Variants in DAPK1 observed in about 807,000 individuals in gnomAD.
DAPK1 encodes the protein death-associated protein kinase 1.
In DAPK1, 56 loss-of-function variants were observed where a neutral mutation model predicts 144.9. The observed-to-expected ratio is 0.39, with a 90% CI of 0.31 to 0.48. The LOEUF (loss-of-function observed/expected upper bound fraction) is 0.48, where lower values mean the gene tolerates loss of function less well. DAPK1 is among the 20% of genes least tolerant of loss of function. The probability of loss-of-function intolerance (pLI) is 0.95; values close to 1 mark genes in which losing one functional copy is unlikely to be tolerated. For synonymous variants in DAPK1, 690 were observed against 749.0 expected (o/e 0.92, Z 1.29); for missense variants, 1,454 against 1,875.4 (o/e 0.78, Z 4.15).
At chr9:87,662,560 G>GTTTTTTTTCTTTTTTTTT (rs1830889082) in intron 18 of DAPK1, among the ~76,000 whole-genome samples, 1 of 32,154 alleles carries the variant, frequency 3.1e-5, no homozygotes, top group African/African-American at 1.5e-4. Flanking sequence ...TATATTCCTA[G>GTTTTTTTTCTTTTTTTTT]TTTTTTTTTT....
chr9:87,680,261 C>T lies in DAPK1; in HGVS notation c.2002-1143C>T, dbSNP rs1208059920. On this transcript the variant is annotated intron_variant, in intron 19 of 25. Transcript: ENST00000408954. ...CTGGGACTACAGGCTCCCGCCACCA[C>T]GCCCGGCTAATTTTTTGTATTTTCG... Among the ~76,000 whole-genome samples the T allele has an allele frequency of 3.4e-4, 52 of 152,206 alleles. 1 individual carries two copies. Among genetic ancestry groups the T allele is most frequent in the Admixed American group, 3.2e-3 (49 of 15,284 alleles).
At chr9:87,652,177 CA>C (rs1830467408) in intron 17 of DAPK1, among the ~76,000 whole-genome samples, 1 of 138,034 alleles carries the variant, frequency 7.2e-6, no homozygotes, top group African/African-American at 2.8e-5. Context: ...CACCTGATCC[CA>C]GGTCCTGATT....
intron 2 of DAPK1, among the ~76,000 whole-genome samples, chr9:87,554,716 G>T (rs1399728480): frequency 2.0e-5 from 3 of 152,170 alleles, no homozygotes; most frequent in Non-Finnish European, 1.5e-5. Flanking sequence ...GGACCCAAAT[G>T]AGCAAAGTGC....
At chr9:87,665,391 G>A (rs770492434) in intron 18 of DAPK1, among the ~76,000 whole-genome samples, 3 of 152,210 alleles carry the variant, frequency 2.0e-5, no homozygotes, top group Non-Finnish European at 2.9e-5. Flanking sequence ...TTTGTTGACC[G>A]AGTGCTAAGT....
intron 2 of DAPK1, among the ~76,000 whole-genome samples, chr9:87,500,259 T>C (rs769774086): frequency 2.0e-5 from 3 of 152,230 alleles, no homozygotes; most frequent in Non-Finnish European, 4.4e-5. Flanking sequence ...ATATTTAGTA[T>C]CGACTGAAAA....
chr9:87,662,414 T>C (rs1379283314), intron 18 of DAPK1, among the ~76,000 whole-genome samples: 1 of 152,156 alleles, frequency 6.6e-6, no homozygotes, highest in East Asian at 1.9e-4. Context: ...TTTCAGGCAG[T>C]ATGGTCATTT....
intron 21 of DAPK1, among the ~76,000 whole-genome samples, chr9:87,695,448 G>A (rs1461542215): frequency 6.6e-6 from 1 of 152,248 alleles, no homozygotes; most frequent in Non-Finnish European, 1.5e-5. Context: ...GGATGTGGCA[G>A]TGTAGAGAGG....
At chr9:87,599,506 A>G (rs1219888284) in intron 2 of DAPK1, among the ~76,000 whole-genome samples, 2 of 152,136 alleles carry the variant, frequency 1.3e-5, no homozygotes, top group African/African-American at 4.8e-5. Context: ...AAAATTGGTG[A>G]TTACATTTGA....
chr9:87,609,431 T>C (rs889231016), intron 3 of DAPK1, among the ~76,000 whole-genome samples: 5 of 152,240 alleles, frequency 3.3e-5, no homozygotes, highest in Non-Finnish European at 7.3e-5. Context: ...CTTACTATTA[T>C]CTTGGAAGTC....
chr9:87,703,028 G>A lies in DAPK1; in HGVS notation c.2872-1G>A. 6.5e-7 allele frequency: 1 copy of A among 1,541,980 alleles called. No homozygotes were observed. The highest frequency in any genetic ancestry group is 9.0e-7 in the Non-Finnish European group (1 of 1,114,692). ...AACCTGTCTGGCCCTGCCCCCTCTA[G>A]GTCTGTCCTCCCATGACTCACCTGT... On this transcript the variant is annotated splice_acceptor_variant, in intron 24 of 25. Coordinates refer to ENST00000408954, the MANE Select transcript of DAPK1 (RefSeq NM_004938.4). LOFTEE classifies it high-confidence loss of function.
intron 1 of DAPK1, chr9:87,498,518 C>T (rs1192028586): frequency 8.3e-6 from 2 of 239,996 alleles, no homozygotes; most frequent in Middle Eastern, 1.3e-3. Flanking sequence ...TTAGGAGAGG[C>T]GCGGGAGCCG....
At chr9:87,700,029 C>G (rs1825406543) in intron 23 of DAPK1, 88 bp from the exon 24 acceptor site, 1 of 1,078,198 alleles carries the variant, frequency 9.3e-7, no homozygotes, top group Non-Finnish European at 1.4e-6. Context: ...CTCCTACCAG[C>G]CTCTTGAGCC....
chr9:87,625,124 T>C (rs926306729), intron 3 of DAPK1, among the ~76,000 whole-genome samples: 1 of 149,342 alleles, frequency 6.7e-6, no homozygotes, highest in Non-Finnish European at 1.5e-5. Context: ...TGCAAGAGAG[T>C]GTATGGCCCA....
At chr9:87,576,061 G>A (rs866438494) in intron 2 of DAPK1, among the ~76,000 whole-genome samples, 1 of 152,214 alleles carries the variant, frequency 6.6e-6, no homozygotes. Flanking sequence ...TCAGGTTAGC[G>A]GTAGTCAGAT....
At chr9:87,632,084 A>G in intron 3 of DAPK1, 1 of 707,776 alleles carries the variant, frequency 1.4e-6, no homozygotes, top group African/African-American at 1.9e-5. Flanking sequence ...TAATTAGTAT[A>G]TATGTAGAAA....
chr9:87,540,815 A>G (rs113596355), intron 2 of DAPK1, among the ~76,000 whole-genome samples: 57 of 152,150 alleles, frequency 3.7e-4, no homozygotes, highest in African/African-American at 1.3e-3. Context: ...ACCTGCATCT[A>G]ATTATCTTTT....
intron 2 of DAPK1, among the ~76,000 whole-genome samples, chr9:87,604,184 G>T (rs1587759608): frequency 6.6e-6 from 1 of 152,182 alleles, no homozygotes; most frequent in East Asian, 1.9e-4. Flanking sequence ...GGGGGGTTCT[G>T]TCACACTCAA....
chr9:87,687,148 T>C (rs963859704), intron 21 of DAPK1, among the ~76,000 whole-genome samples: 4 of 152,224 alleles, frequency 2.6e-5, no homozygotes, highest in Admixed American at 2.6e-4. Flanking sequence ...TCAAGTCCTC[T>C]CTTCTAGCTA....
rs771023885 is a variant in DAPK1 at position 87,571,476 on chromosome 9, A to ACACACACACCCCC, written c.63-33478_63-33477insCACACACACCCCC. 3.5e-4 allele frequency among the ~76,000 whole-genome samples: 17 copies of ACACACACACCCCC among 48,560 alleles called. 3 individuals carry two copies. The highest frequency in any genetic ancestry group is 0.011 in the Middle Eastern group (1 of 92). 31.9% of individuals were successfully genotyped at this position (48,560 alleles called of 152,430 possible). ...ACACACACACACACACACACACACC[A>ACACACACACCCCC]ACACACACACACACACACCCCAACA... On this transcript the variant is annotated intron_variant, in intron 2 of 25. Transcript: ENST00000408954.
Sources: allele counts gnomAD v4.1 joint callset (sites outside exome capture counted in the v4.1 genomes callset), GRCh38; gene constraint gnomAD v4.1.1; transcripts MANE v1.5; gene names NCBI Gene and HGNC (gene_info 2026-07-23, HGNC 2026-07-21).